Variants in SETBP1 observed in about 807,000 individuals in gnomAD.
SETBP1 encodes the protein SET-binding protein.
SETBP1 carries 9 observed loss-of-function variants against 101.0 expected under a neutral mutation model. The ratio of observed to expected loss-of-function variants is 0.09; its 90% confidence interval spans 0.05 to 0.16. The LOEUF is 0.16. SETBP1 is among the 10% of genes least tolerant of loss of function. The probability of loss-of-function intolerance (pLI) is 1.00; values close to 1 mark genes in which losing one functional copy is unlikely to be tolerated. For synonymous variants in SETBP1, 818 were observed against 788.5 expected (o/e 1.04, Z -0.63); for missense variants, 1,858 against 2,033.8 (o/e 0.91, Z 1.66).
chr18:44,808,046 A>C (rs1385213841), intron 2 of SETBP1, among the ~76,000 whole-genome samples: 1 of 152,192 alleles, frequency 6.6e-6, no homozygotes, highest in Non-Finnish European at 1.5e-5. Flanking sequence ...TGGAAACTAG[A>C]TTGGAGGTGA....
At chr18:44,702,945 C>G (rs1176781400) in intron 2 of SETBP1, among the ~76,000 whole-genome samples, 1 of 152,162 alleles carries the variant, frequency 6.6e-6, no homozygotes, top group Non-Finnish European at 1.5e-5. Flanking sequence ...CATGGATGTG[C>G]AAAGTAGCTA....
At chr18:44,917,282 T>C (rs976693224) in intron 3 of SETBP1, among the ~76,000 whole-genome samples, 1 of 152,180 alleles carries the variant, frequency 6.6e-6, no homozygotes, top group African/African-American at 2.4e-5. Flanking sequence ...TGAGTCTTAC[T>C]TGGTGGTTTT....
chr18:44,773,786 C>T (rs2070926809), intron 2 of SETBP1, among the ~76,000 whole-genome samples: 2 of 151,226 alleles, frequency 1.3e-5, no homozygotes, highest in African/African-American at 4.9e-5. Context: ...GTATTAATCT[C>T]AACCAGCCTC....
At chr18:44,843,480 G>A (rs1456983361) in intron 2 of SETBP1, among the ~76,000 whole-genome samples, 2 of 152,192 alleles carry the variant, frequency 1.3e-5, no homozygotes, top group Admixed American at 1.3e-4. Context: ...TTTCACAGGT[G>A]GGAAGACCGA....
intron 4 of SETBP1, among the ~76,000 whole-genome samples, chr18:45,019,745 AG>A (rs1286018144): frequency 1.3e-5 from 2 of 152,120 alleles, no homozygotes; most frequent in Non-Finnish European, 2.9e-5. Flanking sequence ...GTTTGAACCC[AG>A]GGCTAACTAA....
At chr18:44,898,234 C>T (rs909831048) in intron 3 of SETBP1, among the ~76,000 whole-genome samples, 1 of 152,094 alleles carries the variant, frequency 6.6e-6, no homozygotes, top group Admixed American at 6.5e-5. Flanking sequence ...TAACTCATGA[C>T]CTTTAAATTG....
intron 2 of SETBP1, among the ~76,000 whole-genome samples, chr18:44,859,467 G>A (rs1428548617): frequency 6.6e-6 from 1 of 152,162 alleles, no homozygotes. Flanking sequence ...CTGAGACAGA[G>A]AACTGGACTT....
Position 45,063,344 on chromosome 18 carries a change from C to T in SETBP1, c.4437C>T (p.Ile1479=), listed in dbSNP as rs2145593711. The change falls in exon 6 of 6, where the codon ATC becomes ATT. Residue 1479 remains isoleucine (I), a synonymous_variant. Transcript: ENST00000649279. ...RDQMPVLEKC[I]DLPSKRGQKP... is the part of the protein sequence containing the mutation. Reference sequence around the variant, plus strand: ...AAATGCCGGTGCTGGAAAAATGCATCGACCTGCCCAGCAAAAGAGGCCAGA... The same window carrying T: ...AAATGCCGGTGCTGGAAAAATGCATTGACCTGCCCAGCAAAAGAGGCCAGA... 1.3e-6 allele frequency: 2 copies of T among 1,585,174 alleles called. No individual in the cohort carries two copies. Among genetic ancestry groups the T allele is most frequent in the Non-Finnish European group, 1.7e-6 (2 of 1,166,030 alleles).
chr18:44,797,246 A>G (rs888642982), intron 2 of SETBP1, among the ~76,000 whole-genome samples: 1 of 152,206 alleles, frequency 6.6e-6, no homozygotes, highest in Admixed American at 6.5e-5. Flanking sequence ...CATATTTGCT[A>G]TATGTTGTCT....
chr18:45,027,564 T>C (rs987887952), intron 4 of SETBP1, among the ~76,000 whole-genome samples: 1 of 152,228 alleles, frequency 6.6e-6, no homozygotes, highest in Admixed American at 6.5e-5. Context: ...CTCTGCTTTC[T>C]AGGAATTAAA....
intron 3 of SETBP1, among the ~76,000 whole-genome samples, chr18:44,905,890 C>A (rs2070163930): frequency 6.6e-6 from 1 of 152,190 alleles, no homozygotes; most frequent in African/African-American, 2.4e-5. Flanking sequence ...AGCCCCTTGC[C>A]TCCATGCCAG....
At chr18:44,815,359 G>T (rs180881074) in intron 2 of SETBP1, among the ~76,000 whole-genome samples, 2 of 152,204 alleles carry the variant, frequency 1.3e-5, no homozygotes, top group African/African-American at 4.8e-5. Context: ...ACTTTAAAGC[G>T]TGAGTTGGAT....
intron 2 of SETBP1, among the ~76,000 whole-genome samples, chr18:44,862,306 T>C (rs2069031603): frequency 6.6e-6 from 1 of 152,218 alleles, no homozygotes. Context: ...TACAAAGTTA[T>C]TATTAGTCAT....
At position 44,829,785 on chromosome 18, in the gene SETBP1, T is replaced by G. The variant is rs566382930; in HGVS notation, c.487-39445T>G. Among the ~76,000 whole-genome samples the G allele has an allele frequency of 3.9e-4, 59 of 152,360 alleles. 1 individual carries two copies. The highest frequency in any genetic ancestry group is 1.3e-3 in the African/African-American group (56 of 41,580). On this transcript the variant is annotated intron_variant, in intron 2 of 5. Coordinates refer to ENST00000649279, the MANE Select transcript of SETBP1 (RefSeq NM_015559.3). ...TCTCTTTGATGTGGCACAGTCCCAC[T>G]TATAAAATTTGGCCATGCTCAAGGC...
At chr18:44,821,627 A>T (rs2072116046) in intron 2 of SETBP1, among the ~76,000 whole-genome samples, 1 of 152,190 alleles carries the variant, frequency 6.6e-6, no homozygotes, top group Non-Finnish European at 1.5e-5. Flanking sequence ...CAAAGACTTT[A>T]TATACCCCTG....
intron 2 of SETBP1, among the ~76,000 whole-genome samples, chr18:44,771,871 C>T (rs1396200206): frequency 6.6e-6 from 1 of 152,210 alleles, no homozygotes; most frequent in Non-Finnish European, 1.5e-5. Context: ...ATATCAGCTC[C>T]ATGATTTCCC....
intron 2 of SETBP1, among the ~76,000 whole-genome samples, chr18:44,744,550 G>C (rs1456532130): frequency 6.6e-6 from 1 of 152,188 alleles, no homozygotes; most frequent in Non-Finnish European, 1.5e-5. Flanking sequence ...TTCACACGGG[G>C]CACTGCTGCA....
At chr18:44,934,948 T>G (rs1031348941) in intron 3 of SETBP1, among the ~76,000 whole-genome samples, 2 of 152,164 alleles carry the variant, frequency 1.3e-5, no homozygotes, top group Non-Finnish European at 2.9e-5. Context: ...TATAGGAGAT[T>G]CCAAAGGCAG....
At chr18:44,760,808 G>A (rs980769950) in intron 2 of SETBP1, among the ~76,000 whole-genome samples, 2 of 152,000 alleles carry the variant, frequency 1.3e-5, no homozygotes, top group Non-Finnish European at 2.9e-5. Flanking sequence ...AAATAGCATC[G>A]AATGGTGATT....
Sources: gnomAD v4.1 joint callset for allele counts (sites outside exome capture counted in the v4.1 genomes callset) on GRCh38, gnomAD v4.1.1 for gene constraint, MANE v1.5 for transcripts, NCBI Gene and HGNC (gene_info 2026-07-23, HGNC 2026-07-21) for gene names.